NPSR1: variants seen among roughly 807,000 people sequenced by gnomAD.
NPSR1 encodes the protein neuropeptide S receptor 1, also known as neuropeptide S receptor.
In NPSR1, 48 loss-of-function variants were observed where a neutral mutation model predicts 46.9. That is an observed-to-expected ratio of 1.02 (90% CI 0.81 to 1.30). The LOEUF is 1.30. NPSR1 is among the 50% of genes most tolerant of loss of function. The pLI is 0.00. For missense variants in NPSR1, 450 were observed against 449.5 expected (o/e 1.00, Z -0.01); for synonymous variants, 176 against 168.1 (o/e 1.05, Z -0.36).
intron 3 of NPSR1, among the ~76,000 whole-genome samples, chr7:34,792,697 ATACG>A (rs1173852835): frequency 8.4e-6 from 1 of 119,694 alleles, no homozygotes; most frequent in African/African-American, 3.2e-5. Flanking sequence ...ATGTATATAT[ATACG>A]TATATATATA....
chr7:34,725,037 A>C (rs1056780801), intron 2 of NPSR1, among the ~76,000 whole-genome samples: 1 of 151,840 alleles, frequency 6.6e-6, no homozygotes, highest in African/African-American at 2.4e-5. Flanking sequence ...TTCTACATGG[A>C]AAAGGAGCAA....
chr7:34,781,060 T>C (rs981861053), intron 3 of NPSR1, among the ~76,000 whole-genome samples: 2 of 152,118 alleles, frequency 1.3e-5, no homozygotes, highest in East Asian at 1.9e-4. Flanking sequence ...ACCAGGTATA[T>C]GCCCAGGACT....
intron 2 of NPSR1, chr7:34,751,020 G>A: frequency 1.3e-6 from 1 of 771,412 alleles, no homozygotes. Context: ...GGCCAGGGCA[G>A]CAATTTGAGA....
intron 3 of NPSR1, among the ~76,000 whole-genome samples, chr7:34,791,858 C>G (rs1787897698): frequency 6.6e-6 from 1 of 152,032 alleles, no homozygotes; most frequent in Non-Finnish European, 1.5e-5. Flanking sequence ...GACATATAGA[C>G]AGATGAAACA....
chr7:34,774,525 T>C (rs908073688), intron 2 of NPSR1, among the ~76,000 whole-genome samples: 2 of 152,204 alleles, frequency 1.3e-5, no homozygotes, highest in South Asian at 4.1e-4. Context: ...TGGTGCCCCA[T>C]TATCAGCTGT....
Position 34,813,504 on chromosome 7 carries a change from G to A in NPSR1, c.478+1641G>A, listed in dbSNP as rs534510883. ...CTCAATGTGGAAGTGGTAGAGCCAT[G>A]GGCAGTAATATGCATCAACATGAAC... On this transcript the variant is annotated intron_variant, in intron 4 of 8. Transcript: ENST00000360581. 7.9e-5 allele frequency among the ~76,000 whole-genome samples: 12 copies of A among 152,220 alleles called. No homozygotes were observed. In the South Asian group the frequency reaches 2.5e-3, roughly 32 times the overall value.
intron 1 of NPSR1, among the ~76,000 whole-genome samples, chr7:34,664,866 A>T (rs1183810911): frequency 6.6e-6 from 1 of 152,176 alleles, no homozygotes; most frequent in East Asian, 1.9e-4. Flanking sequence ...GGTCATGAGG[A>T]AGTTGTAAGG....
At chr7:34,778,726 C>T (rs1787095002) in intron 3 of NPSR1, among the ~76,000 whole-genome samples, 161 bp downstream of exon 3, 1 of 152,038 alleles carries the variant, frequency 6.6e-6, no homozygotes, top group Admixed American at 6.6e-5. Flanking sequence ...AATGTATTTC[C>T]TTTGCTAAAA....
At chr7:34,725,083 CCACACACACACAGACTCA>C (rs1365232293) in intron 2 of NPSR1, among the ~76,000 whole-genome samples, 1 of 144,218 alleles carries the variant, frequency 6.9e-6, no homozygotes, top group Non-Finnish European at 1.5e-5. Context: ...TTCTAAGTAC[CCACACACACACAGACTCA>C]CACACACACA....
intron 3 of NPSR1, among the ~76,000 whole-genome samples, chr7:34,806,111 G>A (rs899183764): frequency 6.6e-6 from 1 of 152,078 alleles, no homozygotes; most frequent in Non-Finnish European, 1.5e-5. Context: ...CACTTTGGAA[G>A]ATAATTTAGC....
At chr7:34,740,713 C>G (rs939369572) in intron 2 of NPSR1, among the ~76,000 whole-genome samples, 10 of 152,310 alleles carry the variant, frequency 6.6e-5, no homozygotes, top group South Asian at 4.1e-4. Context: ...GACAATCTCC[C>G]TTTCCCACTT....
At chr7:34,871,168 G>A (rs1158546005) in intron 8 of NPSR1, among the ~76,000 whole-genome samples, 3 of 151,692 alleles carry the variant, frequency 2.0e-5, no homozygotes, top group Non-Finnish European at 4.4e-5. Context: ...TCTGCTGAGG[G>A]CCTCACTAAT....
intron 2 of NPSR1, among the ~76,000 whole-genome samples, chr7:34,692,180 A>C (rs1793299132): frequency 6.6e-6 from 1 of 152,108 alleles, no homozygotes; most frequent in South Asian, 2.1e-4. Flanking sequence ...TCTGGACTTA[A>C]ACTATATATA....
At chr7:34,712,129 C>T (rs1403098516) in intron 2 of NPSR1, among the ~76,000 whole-genome samples, 1 of 152,172 alleles carries the variant, frequency 6.6e-6, no homozygotes, top group Non-Finnish European at 1.5e-5. Flanking sequence ...TTATCTCTCC[C>T]ACTGTGAACC....
chr7:34,684,479 C>T (rs1792821699), intron 1 of NPSR1, 73 bp from the exon 2 acceptor site: 1 of 1,490,858 alleles, frequency 6.7e-7, no homozygotes, highest in African/African-American at 1.4e-5. Context: ...GAAATCCAGC[C>T]TGGGGCAGGC....
intron 6 of NPSR1, among the ~76,000 whole-genome samples, chr7:34,844,660 G>C (rs962388075): frequency 1.3e-5 from 2 of 152,202 alleles, no homozygotes; most frequent in Admixed American, 6.5e-5. Flanking sequence ...AGTCTCTTGA[G>C]AGAGTCTGAG....
Position 34,733,276 on chromosome 7 carries a change from C to T in NPSR1, c.281-45186C>T, listed in dbSNP as rs138400694. Among the ~76,000 whole-genome samples the T allele has an allele frequency of 7.3e-3, 1,105 of 152,042 alleles. 16 individuals are homozygous for T. The highest frequency in any genetic ancestry group is 0.025 in the African/African-American group (1,049 of 41,458). Reference sequence around the variant, plus strand: ...CTCTACTAAAAATACAAAAATTAGCCGGGCACGATGGCGGTTGCCTGTAAT... The same window carrying T: ...CTCTACTAAAAATACAAAAATTAGCTGGGCACGATGGCGGTTGCCTGTAAT... On this transcript the variant is annotated intron_variant, in intron 2 of 8. Coordinates refer to ENST00000360581, the MANE Select transcript of NPSR1 (RefSeq NM_207172.2).
chr7:34,673,562 A>G (rs1477234050), intron 1 of NPSR1, among the ~76,000 whole-genome samples: 1 of 152,104 alleles, frequency 6.6e-6, no homozygotes. Context: ...TCTCCAATTC[A>G]ACAGGCCTAG....
Position 34,658,674 on chromosome 7 carries a change from A to G in NPSR1, c.147+115A>G, listed in dbSNP as rs915958359. ...ATTGTGAATGAGTGTTATTTTCTTT[A>G]CTAAAAAGGATTTTTAAAAGTCTGA... On this transcript the variant is annotated intron_variant, in intron 1 of 8. Coordinates refer to ENST00000360581, the MANE Select transcript of NPSR1 (RefSeq NM_207172.2). The G allele has an allele frequency of 4.6e-6, 5 of 1,083,044 alleles. No individual in the cohort carries two copies. The African/African-American group carries it at 6.4e-5, about 14-fold the overall frequency. 67.1% of individuals were successfully genotyped at this position (1,083,044 alleles called of 1,614,324 possible).
Sources: gnomAD v4.1 joint callset for allele counts (sites outside exome capture counted in the v4.1 genomes callset) on GRCh38, gnomAD v4.1.1 for gene constraint, MANE v1.5 for transcripts, NCBI Gene and HGNC (gene_info 2026-07-23, HGNC 2026-07-21) for gene names.